The following TRPM2 variants were observed in gnomAD, a reference collection of about 807,000 sequenced individuals.
TRPM2 encodes transient receptor potential cation channel subfamily M member 2.
A neutral mutation model predicts 174.0 loss-of-function variants in TRPM2; 161 were observed. The ratio of observed to expected loss-of-function variants is 0.93; its 90% CI spans 0.81 to 1.05. The LOEUF (loss-of-function observed/expected upper bound fraction) is 1.05, where lower values mean the gene tolerates loss of function less well. Among genes scored for constraint, TRPM2 ranks in the 50% least tolerant of loss-of-function variants. The pLI is 0.00. For synonymous variants in TRPM2, 954 were observed against 861.3 expected, an observed-to-expected ratio of 1.11 and a Z score of -1.88; for missense variants, 2,057 against 2,038.0, an observed-to-expected ratio of 1.01 and a Z score of -0.18.
intron 5 of TRPM2, among the ~76,000 whole-genome samples, chr21:44,373,998 G>A (rs1239674752): frequency 6.6e-6 from 1 of 151,564 alleles, no homozygotes; most frequent in African/African-American, 2.4e-5. Context: ...GCCAGTATAT[G>A]TATTCTCTCT....
chr21:44,379,591 T>C (rs1163780629), intron 8 of TRPM2, among the ~76,000 whole-genome samples: 2 of 152,212 alleles, frequency 1.3e-5, no homozygotes, highest in African/African-American at 2.4e-5. Flanking sequence ...GTCCAGATTG[T>C]AGCCTCATAG....
chr21:44,408,798 C>T (rs551028454), intron 19 of TRPM2, among the ~76,000 whole-genome samples: 2 of 151,972 alleles, frequency 1.3e-5, no homozygotes, highest in Non-Finnish European at 2.9e-5. Context: ...GCTGGGACTA[C>T]AGGCGCACGC....
intron 4 of TRPM2, among the ~76,000 whole-genome samples, chr21:44,368,492 C>T (rs953872836): frequency 3.3e-5 from 5 of 150,826 alleles, no homozygotes; most frequent in Admixed American, 2.0e-4. Context: ...GTGGTGGTGG[C>T]GCTATCTCAG....
At chr21:44,430,823 T>C (rs1453274093) in intron 27 of TRPM2, among the ~76,000 whole-genome samples, 1 of 152,094 alleles carries the variant, frequency 6.6e-6, no homozygotes, top group East Asian at 1.9e-4. Context: ...ATTGTAAATT[T>C]TCTGGAAAAT....
chr21:44,410,374 C>T (rs1353078017), intron 19 of TRPM2, among the ~76,000 whole-genome samples: 8 of 82,312 alleles, frequency 9.7e-5, no homozygotes, highest in African/African-American at 3.5e-4. Context: ...AAGTTTTGAC[C>T]ACACTGTCTT....
At chr21:44,433,603 G>A (rs923346723) in intron 27 of TRPM2, among the ~76,000 whole-genome samples, 4 of 152,174 alleles carry the variant, frequency 2.6e-5, no homozygotes, top group Middle Eastern at 3.2e-3. Context: ...ACTGAGCCCC[G>A]GCCTTCGAGC....
rs1337605717 is a variant in TRPM2 at position 44,435,004 on chromosome 21, A to G, written c.3975-127A>G. On this transcript the variant is annotated intron_variant, in intron 27 of 31. Coordinates refer to ENST00000397928, the MANE Select transcript of TRPM2 (RefSeq NM_003307.4). ...CCTAGGCCAGAGCAGGTCTCTAAAG[A>G]AGCCTGCATGCTGTCCCGCTGTGCG... 4.7e-6 allele frequency: 4 copies of G among 860,010 alleles called. No individual in the cohort carries two copies. In the African/African-American group the frequency reaches 6.7e-5, roughly 14 times the overall value. The allele number at this position is 860,010 out of a possible 1,614,324, so 53.3% of individuals were successfully genotyped here.
chr21:44,395,336 C>T (rs970825259), intron 11 of TRPM2, 78 bp from the exon 12 acceptor site: 6 of 1,549,896 alleles, frequency 3.9e-6, no homozygotes, highest in Non-Finnish European at 5.2e-6. Flanking sequence ...GGGTCAGGGC[C>T]TGCACCTCTG....
chr21:44,384,150 A>C (rs2146218685), intron 9 of TRPM2, among the ~76,000 whole-genome samples: 1 of 152,346 alleles, frequency 6.6e-6, no homozygotes, highest in Non-Finnish European at 1.5e-5. Context: ...ATATTACTAA[A>C]ATTAGAAATG....
intron 2 of TRPM2, among the ~76,000 whole-genome samples, chr21:44,356,635 G>A (rs927200136): frequency 3.3e-5 from 5 of 151,244 alleles, no homozygotes; most frequent in African/African-American, 1.2e-4. Flanking sequence ...AGGTTCATGC[G>A]ATTCACCATG....
chr21:44,391,478 C>A lies in TRPM2; in HGVS notation c.1647C>A (p.Cys549Ter). Reference sequence around the variant, plus strand: ...TGGAGGATCCCGAGCGCCCGGCTTGCGCGCCCGCGGCGCCCCGCCTGCAGA... The same window carrying A: ...TGGAGGATCCCGAGCGCCCGGCTTGAGCGCCCGCGGCGCCCCGCCTGCAGA... Reference protein sequence around the residue: ...VLVEDPERPACAPAAPRLQMH... With the variant: ...VLVEDPERPA Residue 549 changes from cysteine to a stop codon, truncating the protein, a stop_gained, in exon 11 of 32, where the codon TGC becomes TGA. Transcript: ENST00000397928. LOFTEE classifies it high-confidence loss of function. This position sits in a 1 kb window ranked among gnomAD's most constrained non-coding sequence, Gnocchi z 5.0. The A allele has an allele frequency of 6.2e-7, 1 of 1,607,448 alleles. No individual in the cohort carries two copies. The highest frequency in any genetic ancestry group is 8.5e-7 in the Non-Finnish European group (1 of 1,179,316).
chr21:44,372,839 G>A (rs1216061437), intron 5 of TRPM2, among the ~76,000 whole-genome samples: 1 of 152,190 alleles, frequency 6.6e-6, no homozygotes, highest in Non-Finnish European at 1.5e-5. Context: ...ACCCTGCTCT[G>A]TGTCCACGGC....
intron 31 of TRPM2, 64 bp downstream of exon 31, chr21:44,440,969 C>T (rs376549291): frequency 2.4e-4 from 342 of 1,431,452 alleles, no homozygotes; most frequent in South Asian, 1.8e-3. Flanking sequence ...GCGTGGCCTC[C>T]GGGGAGGGGG....
Position 44,353,788 on chromosome 21 carries a change from G to A in TRPM2, c.88G>A (p.Val30Ile). Reference protein sequence around the residue: ...LPRRVTDLGMVSNLRRSNSSL... With the variant: ...LPRRVTDLGMISNLRRSNSSL... ...CAGAAGGGTCACTGACCTGGGGATG[G>A]TCTCCAATCTCCGGCGCAGCAACAG... Residue 30 changes from valine to isoleucine, a missense_variant, in exon 1 of 32, where the codon GTC (valine) becomes ATC (isoleucine). Coordinates refer to ENST00000397928, the MANE Select transcript of TRPM2 (RefSeq NM_003307.4). 1 of 1,604,764 alleles carries A rather than the reference G, an allele frequency of 6.2e-7. No homozygotes were observed.
chr21:44,379,735 C>T (rs1180470137), intron 8 of TRPM2, among the ~76,000 whole-genome samples: 2 of 152,178 alleles, frequency 1.3e-5, no homozygotes, highest in Non-Finnish European at 1.5e-5. Context: ...GTTGGCCAGC[C>T]CTGGCCACCC....
Position 44,432,604 on chromosome 21 carries a change from G to A in TRPM2, c.3975-2527G>A, listed in dbSNP as rs994845744. On this transcript the variant is annotated intron_variant, in intron 27 of 31. Coordinates refer to ENST00000397928, the MANE Select transcript of TRPM2 (RefSeq NM_003307.4). The surrounding 1 kb of genome is among the most constrained non-coding windows in gnomAD (Gnocchi z 4.9). The stretch of plus-strand genomic sequence containing the variant: ...GGAATGTCCTGCTCCTCCTGCACCC[G>A]GGTCCTCCTGCCCTCTTGCATTGCT... Among the ~76,000 whole-genome samples, 5 of 152,096 alleles carry A rather than the reference G, an allele frequency of 3.3e-5. No homozygotes were observed. Among genetic ancestry groups the A allele is most frequent in the Admixed American group, 2.0e-4 (3 of 15,250 alleles).
intron 16 of TRPM2, among the ~76,000 whole-genome samples, chr21:44,403,678 T>C (rs899918926): frequency 1.4e-5 from 2 of 146,376 alleles, no homozygotes; most frequent in African/African-American, 5.1e-5. Flanking sequence ...CACACATGCA[T>C]ACACATACAT....
At chr21:44,381,941 GATAGATAGATGGATAGATAGATA>G in intron 8 of TRPM2, among the ~76,000 whole-genome samples, 1 of 123,090 alleles carries the variant, frequency 8.1e-6, no homozygotes. Context: ...GAATTGATAT[GATAGATAGATGGATAGATAGATA>G]GATAGATAGA....
At chr21:44,404,598 C>T (rs930796338) in intron 16 of TRPM2, among the ~76,000 whole-genome samples, 5 of 152,094 alleles carry the variant, frequency 3.3e-5, no homozygotes, top group African/African-American at 4.8e-5. Flanking sequence ...ATTTGCTGAC[C>T]GTGATGATAG....
Sources: allele counts gnomAD v4.1 joint callset (sites outside exome capture counted in the v4.1 genomes callset), GRCh38; gene constraint gnomAD v4.1.1; non-coding constraint Gnocchi (gnomAD v3.1); transcripts MANE v1.5; gene names NCBI Gene and HGNC (gene_info 2026-07-23, HGNC 2026-07-21).